LCLAT1: variants seen among roughly 807,000 people sequenced by gnomAD.
The protein encoded by LCLAT1 is 1-AGP acyltransferase 8.
Under a neutral mutation model 30.7 loss-of-function variants are expected in LCLAT1, and 11 were observed. The observed-to-expected ratio is 0.36, with a 90% CI of 0.23 to 0.59. LCLAT1 has a LOEUF of 0.59. Ranked by LOEUF, LCLAT1 falls within the 20% of genes least tolerant of loss-of-function variation. LCLAT1 has a pLI of 0.77. For synonymous variants in LCLAT1, 155 were observed against 151.3 expected (o/e 1.02, Z -0.18); for missense variants, 402 against 458.6 (o/e 0.88, Z 1.13).
intron 1 of LCLAT1, among the ~76,000 whole-genome samples, chr2:30,466,402 G>T (rs1682433545): frequency 6.6e-6 from 1 of 151,716 alleles, no homozygotes; most frequent in Non-Finnish European, 1.5e-5. Context: ...CCCTTTCTGT[G>T]TGTTGTTATC....
intron 1 of LCLAT1, among the ~76,000 whole-genome samples, chr2:30,522,339 T>C (rs1240561366): frequency 6.6e-6 from 1 of 152,230 alleles, no homozygotes; most frequent in Non-Finnish European, 1.5e-5. Flanking sequence ...CTGCATATCC[T>C]TGTCAGCTCC....
Position 30,640,891 on chromosome 2 carries a change from A to G in LCLAT1, c.*272A>G, listed in dbSNP as rs182852917. The G allele has an allele frequency of 1.1e-5, 4 of 349,234 alleles. No individual in the cohort carries two copies. The East Asian group carries it at 2.1e-4, about 18-fold the overall frequency. The allele number at this position is 349,234 out of a possible 1,614,324, so 21.6% of individuals were successfully genotyped here. A position where few individuals can be genotyped will look rare whatever the true frequency, so the allele number is the denominator to read the frequency against. ...ATTATTAAACAATCATCAGGCTTTT[A>G]GCGACAAGGAACACACACATTTTTC... On this transcript the variant is annotated 3_prime_UTR_variant, in exon 6 of 6. Coordinates refer to ENST00000379509, the MANE Select transcript of LCLAT1 (RefSeq NM_001002257.3).
At chr2:30,534,723 A>G (rs999057712) in intron 3 of LCLAT1, among the ~76,000 whole-genome samples, 1 of 152,204 alleles carries the variant, frequency 6.6e-6, no homozygotes, top group Non-Finnish European at 1.5e-5. Flanking sequence ...GCTGCAAGGT[A>G]TTTTATGACC....
chr2:30,588,511 C>G (rs1435292394), intron 5 of LCLAT1, among the ~76,000 whole-genome samples: 3 of 152,172 alleles, frequency 2.0e-5, no homozygotes, highest in Non-Finnish European at 4.4e-5. Flanking sequence ...AATTCCTAAC[C>G]AGACTCTGAG....
chr2:30,526,945 C>A (rs1685749125), intron 2 of LCLAT1, among the ~76,000 whole-genome samples: 1 of 152,000 alleles, frequency 6.6e-6, no homozygotes, highest in Admixed American at 6.6e-5. Flanking sequence ...GATATGAAGC[C>A]CAGTGTTTCA....
At chr2:30,513,246 A>T (rs1685022847) in intron 1 of LCLAT1, among the ~76,000 whole-genome samples, 2 of 152,024 alleles carry the variant, frequency 1.3e-5, no homozygotes, top group South Asian at 4.1e-4. Flanking sequence ...TTAATTATTA[A>T]TGTGTAGTTA....
At chr2:30,615,447 G>A (rs955118380) in intron 5 of LCLAT1, among the ~76,000 whole-genome samples, 1 of 152,122 alleles carries the variant, frequency 6.6e-6, no homozygotes, top group Non-Finnish European at 1.5e-5. Context: ...TTTGAGAAAA[G>A]CAAAGTCATG....
chr2:30,640,550 G>C lies in LCLAT1; in HGVS notation c.1062G>C (p.Glu354Asp), dbSNP rs573828049. Residue 354 changes from glutamate (E) to aspartate (D), a missense_variant, in exon 6 of 6, where the codon GAG becomes GAC. Coordinates refer to ENST00000379509, the MANE Select transcript of LCLAT1 (RefSeq NM_001002257.3). ...AAGAGAGAATATTTGGTGGACTGGA[G>C]ATCATAGAACTTGCATGTTACCGAC... Reference protein sequence around the residue: ...VLQERIFGGLEIIELACYRLL... With the variant: ...VLQERIFGGLDIIELACYRLL... The C allele has an allele frequency of 6.8e-4, 1,092 of 1,613,812 alleles. 14 individuals are homozygous for C. The South Asian group carries it at 0.011, about 17-fold the overall frequency.
At chr2:30,482,347 T>A (rs1399151171) in intron 1 of LCLAT1, among the ~76,000 whole-genome samples, 2 of 152,192 alleles carry the variant, frequency 1.3e-5, no homozygotes, top group Non-Finnish European at 2.9e-5. Flanking sequence ...TCCTAAAATG[T>A]GTATAATAAA....
chr2:30,598,112 T>C (rs910546829), intron 5 of LCLAT1, among the ~76,000 whole-genome samples: 1 of 152,198 alleles, frequency 6.6e-6, no homozygotes, highest in African/African-American at 2.4e-5. Context: ...CTTTTTTTGA[T>C]ATATCTCTGC....
intron 5 of LCLAT1, among the ~76,000 whole-genome samples, chr2:30,568,505 C>CTTTTTTTT (rs35285466): frequency 1.8e-4 from 15 of 85,354 alleles, no homozygotes; most frequent in East Asian, 3.4e-4. Context: ...GTCTTTCTTT[C>CTTTTTTTT]TTTTTTTTTT....
intron 5 of LCLAT1, among the ~76,000 whole-genome samples, chr2:30,634,575 G>A (rs185873307): frequency 6.6e-6 from 1 of 152,284 alleles, no homozygotes; most frequent in East Asian, 1.9e-4. Flanking sequence ...CAGTGAGCCG[G>A]CGACAAGCGC....
intron 5 of LCLAT1, among the ~76,000 whole-genome samples, chr2:30,609,021 A>G (rs4952162): frequency 0.13 from 19,355 of 152,018 alleles, 1,385 homozygotes; most frequent in South Asian, 0.23. Flanking sequence ...GTATATTTTA[A>G]TTTGGTTTTG....
At chr2:30,504,740 T>G (rs1047556810) in intron 1 of LCLAT1, among the ~76,000 whole-genome samples, 19 of 152,124 alleles carry the variant, frequency 1.2e-4, no homozygotes, top group African/African-American at 4.6e-4. Context: ...ACCCTATAAG[T>G]AACAAATGGA....
intron 3 of LCLAT1, among the ~76,000 whole-genome samples, chr2:30,557,984 C>G (rs919367184): frequency 7.9e-5 from 12 of 152,058 alleles, no homozygotes; most frequent in Admixed American, 6.5e-5. Context: ...TCACATAATC[C>G]ATAAAAATTC....
At chr2:30,532,320 C>T (rs1408018321) in intron 2 of LCLAT1, among the ~76,000 whole-genome samples, 1 of 152,020 alleles carries the variant, frequency 6.6e-6, no homozygotes, top group Non-Finnish European at 1.5e-5. Flanking sequence ...GATTCTGTAT[C>T]GTATATTTGC....
At chr2:30,611,125 C>A (rs1253001501) in intron 5 of LCLAT1, among the ~76,000 whole-genome samples, 1 of 150,296 alleles carries the variant, frequency 6.7e-6, no homozygotes, top group Non-Finnish European at 1.5e-5. Flanking sequence ...GACTCATTAG[C>A]ATTTTTCTTC....
intron 5 of LCLAT1, among the ~76,000 whole-genome samples, chr2:30,600,038 T>C (rs1365168553): frequency 6.6e-6 from 1 of 152,198 alleles, no homozygotes; most frequent in Non-Finnish European, 1.5e-5. Context: ...TGTGTTTTTG[T>C]AGTGGTTGGT....
chr2:30,467,659 G>T (rs957176212), intron 1 of LCLAT1, among the ~76,000 whole-genome samples: 5 of 152,286 alleles, frequency 3.3e-5, no homozygotes, highest in African/African-American at 1.2e-4. Context: ...ATCTCATTGT[G>T]GTTTTGATTT....
Sources: allele counts gnomAD v4.1 joint callset (sites outside exome capture counted in the v4.1 genomes callset), GRCh38; gene constraint gnomAD v4.1.1; transcripts MANE v1.5; gene names NCBI Gene and HGNC (gene_info 2026-07-23, HGNC 2026-07-21).